ARFGEF3: variants seen among roughly 807,000 people sequenced by gnomAD.
ARFGEF3 encodes the protein ARFGEF family member 3.
In ARFGEF3, 96 loss-of-function variants were observed where a neutral mutation model predicts 221.7. The ratio of observed to expected loss-of-function variants is 0.43; its 90% CI spans 0.37 to 0.51. ARFGEF3 has a LOEUF of 0.51. ARFGEF3 is among the 20% of genes least tolerant of loss of function. The pLI, the probability that ARFGEF3 is intolerant of heterozygous loss-of-function variation, is 0.00. For synonymous variants in ARFGEF3, 1,145 were observed against 1,126.8 expected (o/e 1.02, Z -0.32); for missense variants, 2,410 against 2,789.9 (o/e 0.86, Z 3.07).
chr6:138,184,859 G>A (rs1360999838), intron 2 of ARFGEF3, among the ~76,000 whole-genome samples: 1 of 152,200 alleles, frequency 6.6e-6, no homozygotes. Flanking sequence ...CACATTTCCA[G>A]TAGTACTGCA....
At chr6:138,171,366 T>C (rs1776826628) in intron 2 of ARFGEF3, among the ~76,000 whole-genome samples, 2 of 152,102 alleles carry the variant, frequency 1.3e-5, no homozygotes, top group African/African-American at 4.8e-5. Flanking sequence ...TCAAAACTTA[T>C]GTGAAGGAGT....
At position 138,307,341 on chromosome 6, in the gene ARFGEF3, T is replaced by C. The variant is rs760841344; in HGVS notation, c.3917T>C (p.Val1306Ala). Residue 1306 changes from valine (V) to alanine (A), a missense_variant, in exon 23 of 34, where the codon GTG (valine) becomes GCG (alanine). Val to Ala is a moderately conservative substitution (Grantham distance 64). This residue lies in a region of ARFGEF3 where 723 missense variants were observed against 991.9 expected (regional missense o/e 0.73). Coordinates refer to ENST00000251691, the MANE Select transcript of ARFGEF3 (RefSeq NM_020340.5). ...WRPLFSALET[V>A]HGGNKSEMKE... Reference sequence around the variant, plus strand: ...CCCTTGTTCAGTGCCCTGGAAACAGTGCATGGCGGGAACAAGTCAGAGATG... The same window carrying C: ...CCCTTGTTCAGTGCCCTGGAAACAGCGCATGGCGGGAACAAGTCAGAGATG... 1.4e-5 allele frequency: 23 copies of C among 1,613,798 alleles called. No individual in the cohort carries two copies. Among genetic ancestry groups the C allele is most frequent in the South Asian group, 6.6e-5 (6 of 91,084 alleles).
chr6:138,321,988 G>T (rs1485377251), intron 29 of ARFGEF3, among the ~76,000 whole-genome samples: 2 of 152,208 alleles, frequency 1.3e-5, no homozygotes, highest in African/African-American at 4.8e-5. Context: ...GGCAAAGAGA[G>T]AGCTTGCTCA....
intron 4 of ARFGEF3, among the ~76,000 whole-genome samples, chr6:138,226,155 T>C (rs1039567903): frequency 1.3e-5 from 2 of 152,204 alleles, no homozygotes; most frequent in Non-Finnish European, 2.9e-5. Flanking sequence ...GGACATGTCC[T>C]TGGGAGAGGA....
intron 4 of ARFGEF3, chr6:138,218,528 C>A: frequency 7.2e-7 from 1 of 1,390,430 alleles, no homozygotes; most frequent in Non-Finnish European, 9.5e-7. Flanking sequence ...CTAAGGAAAA[C>A]ACCCACTCTT....
Position 138,336,447 on chromosome 6 carries a change from G to A in ARFGEF3, c.6495G>A (p.Trp2165Ter). ...DIRVRQAVRE[W>*]LGRVGRVYDI... Reference sequence around the variant, plus strand: ...GAGTTCGCCAGGCTGTGAGGGAGTGGCTGGGCAGGGTGGGCCGTGTCTATG... The same window carrying A: ...GAGTTCGCCAGGCTGTGAGGGAGTGACTGGGCAGGGTGGGCCGTGTCTATG... The change falls in exon 34 of 34, where the codon TGG (tryptophan) becomes TGA (stop). Residue 2165 changes from tryptophan to a stop codon, truncating the protein, a stop_gained. Coordinates refer to ENST00000251691, the MANE Select transcript of ARFGEF3 (RefSeq NM_020340.5). LOFTEE classifies it high-confidence loss of function. 6.2e-7 allele frequency: 1 copy of A among 1,612,750 alleles called. No homozygotes were observed.
intron 2 of ARFGEF3, among the ~76,000 whole-genome samples, chr6:138,187,383 G>T (rs1777209968): frequency 6.6e-6 from 1 of 152,196 alleles, no homozygotes; most frequent in African/African-American, 2.4e-5. Context: ...AGACCCCATT[G>T]TCCTTCATGA....
Position 138,296,797 on chromosome 6 carries a change from TG to T in ARFGEF3, c.3503-12del. On this transcript the variant is annotated splice_polypyrimidine_tract_variant and intron_variant, in intron 20 of 33. Coordinates refer to ENST00000251691, the MANE Select transcript of ARFGEF3 (RefSeq NM_020340.5). ...TTTGGCTTTCTGGCATTTATGTTCT[TG>T]CCTTCCTGTAGGAGAAGTTAAATCC... 6.2e-7 allele frequency: 1 copy of T among 1,611,736 alleles called. No individual in the cohort carries two copies.
chr6:138,187,870 T>C (rs1362335468), intron 2 of ARFGEF3, among the ~76,000 whole-genome samples: 1 of 151,918 alleles, frequency 6.6e-6, no homozygotes, highest in Non-Finnish European at 1.5e-5. Context: ...TATGTGTAGG[T>C]GGGGGAGTCA....
rs140602392 is a variant in ARFGEF3 at position 138,283,742 on chromosome 6, C to G, written c.2462-2204C>G. 6.8e-3 allele frequency among the ~76,000 whole-genome samples: 1,040 copies of G among 152,290 alleles called. 7 individuals carry two copies. Among genetic ancestry groups the G allele is most frequent in the South Asian group, 0.028 (137 of 4,814 alleles). The stretch of plus-strand genomic sequence containing the variant: ...TTACTTGAATTCATCAGACCTTTAC[C>G]TAGCACATAGAAAACATTCATTATA... On this transcript the variant is annotated intron_variant, in intron 14 of 33. Transcript: ENST00000251691.
intron 4 of ARFGEF3, among the ~76,000 whole-genome samples, chr6:138,224,660 G>A (rs1778046877): frequency 6.6e-6 from 1 of 152,220 alleles, no homozygotes. Flanking sequence ...GCACCTCCCA[G>A]GGCCCAGCAA....
intron 20 of ARFGEF3, among the ~76,000 whole-genome samples, chr6:138,296,041 C>T (rs946341463): frequency 1.3e-5 from 2 of 152,194 alleles, no homozygotes; most frequent in African/African-American, 4.8e-5. Context: ...AGGTTGTCAC[C>T]TTCTTTGCCA....
intron 14 of ARFGEF3, among the ~76,000 whole-genome samples, chr6:138,284,359 C>T (rs1779249652): frequency 6.6e-6 from 1 of 152,120 alleles, no homozygotes; most frequent in African/African-American, 2.4e-5. Context: ...CCTTTCTCAT[C>T]CCCTCCCTGT....
At chr6:138,223,860 C>A (rs1778029274) in intron 4 of ARFGEF3, among the ~76,000 whole-genome samples, 1 of 152,210 alleles carries the variant, frequency 6.6e-6, no homozygotes, top group Non-Finnish European at 1.5e-5. Context: ...TCAGAATGTT[C>A]ATTACAGCTT....
At chr6:138,310,224 G>A (rs769605704) in intron 24 of ARFGEF3, among the ~76,000 whole-genome samples, 2 of 152,162 alleles carry the variant, frequency 1.3e-5, no homozygotes, top group Non-Finnish European at 2.9e-5. Flanking sequence ...TAAATTTTGG[G>A]ACGCCTGCTG....
intron 4 of ARFGEF3, among the ~76,000 whole-genome samples, chr6:138,220,729 C>T (rs181256529): frequency 6.6e-6 from 1 of 152,296 alleles, no homozygotes; most frequent in East Asian, 1.9e-4. Flanking sequence ...CTCAGCCCTT[C>T]CACAGTAATT....
Position 138,267,724 on chromosome 6 carries a change from G to A in ARFGEF3, c.2128+4113G>A, listed in dbSNP as rs547936074. ...TTATAGTACATGCAAAACAGGGCTT[G>A]TGTGAATTTTTTATGTGGTCAGAAT... On this transcript the variant is annotated intron_variant, in intron 12 of 33. Coordinates refer to ENST00000251691, the MANE Select transcript of ARFGEF3 (RefSeq NM_020340.5). Among the ~76,000 whole-genome samples, 8 of 152,306 alleles carry A rather than the reference G, an allele frequency of 5.3e-5. No homozygotes were observed. The South Asian group carries it at 1.7e-3, about 32-fold the overall frequency.
intron 8 of ARFGEF3, among the ~76,000 whole-genome samples, chr6:138,251,815 A>G (rs138089500): frequency 5.3e-5 from 8 of 152,080 alleles, no homozygotes; most frequent in African/African-American, 1.9e-4. Context: ...CTCCTGCCAT[A>G]TGGTCTCATA....
At chr6:138,265,467 GT>G (rs1358705739) in intron 12 of ARFGEF3, among the ~76,000 whole-genome samples, 6 of 151,386 alleles carry the variant, frequency 4.0e-5, no homozygotes, top group African/African-American at 1.5e-4. Flanking sequence ...TTTTATTTGT[GT>G]GTGTAACAAA....
Sources: gnomAD v4.1 joint callset for allele counts (sites outside exome capture counted in the v4.1 genomes callset) on GRCh38, gnomAD v4.1.1 for gene constraint, gnomAD v4.1.1 regional missense constraint, MANE v1.5 for transcripts, NCBI Gene and HGNC (gene_info 2026-07-23, HGNC 2026-07-21) for gene names.